The following ESPNL variants were observed in gnomAD, a reference collection of about 807,000 sequenced individuals.
ESPNL encodes espin like.
In ESPNL, 49 loss-of-function variants were observed where a neutral mutation model predicts 46.8. The ratio of observed to expected loss-of-function variants is 1.05; its 90% CI spans 0.83 to 1.33. ESPNL has a LOEUF of 1.33. Among genes scored for constraint, ESPNL ranks in the 40% most tolerant of loss-of-function variants. The pLI, the probability that ESPNL is intolerant of heterozygous loss-of-function variation, is 0.00. For synonymous variants in ESPNL, 664 were observed against 662.1 expected, an observed-to-expected ratio of 1.00 and a Z score of -0.04; for missense variants, 1,540 against 1,436.6, an observed-to-expected ratio of 1.07 and a Z score of -1.16.
At chr2:238,122,753 C>T (rs537501589) in intron 5 of ESPNL, among the ~76,000 whole-genome samples, 1 of 152,326 alleles carries the variant, frequency 6.6e-6, no homozygotes, top group East Asian at 1.9e-4. Flanking sequence ...AGGCACCATC[C>T]CACTCCCGGC....
At position 238,114,363 on chromosome 2, in the gene ESPNL, C is replaced by G. The variant is rs997715211; in HGVS notation, c.856-2540C>G. 3.9e-5 allele frequency among the ~76,000 whole-genome samples: 6 copies of G among 152,180 alleles called. No individual in the cohort carries two copies. The highest frequency in any genetic ancestry group is 2.6e-4 in the Admixed American group (4 of 15,282). On this transcript the variant is annotated intron_variant, in intron 4 of 8. Coordinates refer to ENST00000343063, the MANE Select transcript of ESPNL (RefSeq NM_194312.4). The surrounding 1 kb of genome is among the most constrained non-coding windows in gnomAD (Gnocchi z 5.0). ...CTCCTGCAGACCCCGTAACTCCCCT[C>G]CTCCGCATCCTGGCCTCCTCTTCCC...
In ESPNL at chr2:238,131,638, G is replaced by A. The variant is rs967637270; in HGVS notation, c.2924G>A (p.Gly975Asp). 1.5e-5 allele frequency: 24 copies of A among 1,610,796 alleles called. No individual in the cohort carries two copies. The highest frequency in any genetic ancestry group is 2.7e-5 in the African/African-American group (2 of 74,894). ...CGGCTGGGGTCCCGCTCCCAGCAGG[G>A]CAGCTTCAACGGTGAGGACATCTGC... ...AQRLGSRSQQ[G>D]SFNGEDICGY... is the part of the protein sequence containing the mutation. The change falls in exon 9 of 9, where the codon GGC (glycine) becomes GAC (aspartate). Residue 975 changes from glycine to aspartate, a missense_variant. Physicochemically the swap from Gly to Asp is moderately conservative, Grantham distance 94. Coordinates refer to ENST00000343063, the MANE Select transcript of ESPNL (RefSeq NM_194312.4).
At chr2:238,112,243 TA>T (rs1691730652) in intron 4 of ESPNL, among the ~76,000 whole-genome samples, 1 of 151,320 alleles carries the variant, frequency 6.6e-6, no homozygotes, top group African/African-American at 2.5e-5. Context: ...TATATTTTTC[TA>T]GGATTTATTT....
chr2:238,124,330 A>C (rs926725923), intron 5 of ESPNL, among the ~76,000 whole-genome samples: 30 of 152,186 alleles, frequency 2.0e-4, no homozygotes, highest in African/African-American at 7.2e-4. Context: ...GGACGGTGGC[A>C]TGCGGCCCTG....
intron 4 of ESPNL, among the ~76,000 whole-genome samples, chr2:238,112,910 T>C (rs1691742377): frequency 2.0e-5 from 3 of 152,222 alleles, no homozygotes. Context: ...TATGGTCAAT[T>C]TTTATCAACG....
In ESPNL at chr2:238,106,487, C is replaced by T. The variant is rs532144110; in HGVS notation, c.673-1304C>T. Among the ~76,000 whole-genome samples, 35 of 152,334 alleles carry T rather than the reference C, an allele frequency of 2.3e-4. 1 individual carries two copies. The highest frequency in any genetic ancestry group is 2.0e-3 in the Admixed American group (31 of 15,300). ...GACTGCAGCCCCTCCCGGTGCCTCG[C>T]CTGCAAGTGCGCCCCTCCCCACCCC... On this transcript the variant is annotated intron_variant, in intron 3 of 8. Coordinates refer to ENST00000343063, the MANE Select transcript of ESPNL (RefSeq NM_194312.4).
In ESPNL at chr2:238,119,382, T is replaced by TTGGATGGAGGAGG. The variant is rs779527290; in HGVS notation, c.987+2354_987+2355insGAGGAGGTGGATG. Among the ~76,000 whole-genome samples, 530 of 60,908 alleles carry TTGGATGGAGGAGG rather than the reference T, an allele frequency of 8.7e-3. 37 individuals carry two copies. Among genetic ancestry groups the TTGGATGGAGGAGG allele is most frequent in the East Asian group, 0.036 (67 of 1,884 alleles). The allele number at this position is 60,908 out of a possible 152,430, so 40.0% of individuals were successfully genotyped here. ...TGGATGAAGGACGTGGATGAAGGAG[T>TTGGATGGAGGAGG]TGGATGCAGGAGGTGGATGGAGGAG... On this transcript the variant is annotated intron_variant, in intron 5 of 8. Transcript: ENST00000343063.
At chr2:238,108,062 A>G in intron 4 of ESPNL, 89 bp downstream of exon 4, 1 of 1,234,288 alleles carries the variant, frequency 8.1e-7, no homozygotes, top group Non-Finnish European at 1.1e-6. Context: ...GCAACCCTGT[A>G]AGAGTGATGA....
chr2:238,125,832 C>T (rs1692094335), intron 6 of ESPNL, among the ~76,000 whole-genome samples: 1 of 148,818 alleles, frequency 6.7e-6, no homozygotes, highest in South Asian at 2.1e-4. Context: ...CAACAGGTGC[C>T]ACAGGTAGTG....
At chr2:238,109,777 C>T (rs1415932121) in intron 4 of ESPNL, among the ~76,000 whole-genome samples, 1 of 152,238 alleles carries the variant, frequency 6.6e-6, no homozygotes, top group Non-Finnish European at 1.5e-5. Context: ...TAGCTTTTAC[C>T]GAATGTCCCT....
At chr2:238,126,995 G>A (rs1157158104) in intron 6 of ESPNL, among the ~76,000 whole-genome samples, 1 of 151,536 alleles carries the variant, frequency 6.6e-6, no homozygotes, top group Non-Finnish European at 1.5e-5. Flanking sequence ...CTATCTGTGT[G>A]TGATTGTGTA....
intron 6 of ESPNL, among the ~76,000 whole-genome samples, chr2:238,126,166 GTGAT>G (rs1692106591): frequency 2.0e-5 from 3 of 151,850 alleles, no homozygotes; most frequent in African/African-American, 4.8e-5. Context: ...GCATCTGTGT[GTGAT>G]TGTGTTCGAG....
At chr2:238,123,133 CTG>C (rs1234529672) in intron 5 of ESPNL, among the ~76,000 whole-genome samples, 1 of 152,182 alleles carries the variant, frequency 6.6e-6, no homozygotes, top group Admixed American at 6.5e-5. Flanking sequence ...ACCGTTGAGT[CTG>C]GGGAACACGC....
Position 238,130,227 on chromosome 2 carries a change from G to T in ESPNL, c.1513G>T (p.Asp505Tyr), listed in dbSNP as rs1435542297. 6.2e-7 allele frequency: 1 copy of T among 1,611,586 alleles called. No homozygotes were observed. The highest frequency in any genetic ancestry group is 8.5e-7 in the Non-Finnish European group (1 of 1,179,406). The change falls in exon 9 of 9, where the codon GAT becomes TAT. Residue 505 changes from aspartate to tyrosine, a missense_variant. Physicochemically the swap from Asp to Tyr is radical, Grantham distance 160 (BLOSUM62 -3). Coordinates refer to ENST00000343063, the MANE Select transcript of ESPNL (RefSeq NM_194312.4). ...GCCCTTTGGGGAGCTGCTGACAGAG[G>T]ATGACCTGGTCTACCTGGAGAAGCA... is the stretch of plus-strand genomic sequence containing the variant. ...LGPFGELLTEDDLVYLEKQIA... is the reference protein window; with the variant it reads ...LGPFGELLTEYDLVYLEKQIA...
chr2:238,101,667 T>G (rs1242428485), intron 1 of ESPNL, among the ~76,000 whole-genome samples: 1 of 152,166 alleles, frequency 6.6e-6, no homozygotes, highest in African/African-American at 2.4e-5. Context: ...GGAAAGGGCC[T>G]TCTCCACACT....
rs1157533454 is a variant in ESPNL, at chr2:238,131,963, G to T, written c.*231G>T. 1.8e-5 allele frequency: 9 copies of T among 510,848 alleles called. No individual in the cohort carries two copies. Among genetic ancestry groups the T allele is most frequent in the Non-Finnish European group, 2.7e-5 (8 of 293,486 alleles). The allele number at this position is 510,848 out of a possible 1,614,324, so 31.6% of individuals were successfully genotyped here. On this transcript the variant is annotated 3_prime_UTR_variant, in exon 9 of 9. Transcript: ENST00000343063. ...AGGAAGCCCCTTGGCAGGTCCTGAA[G>T]TGAGGCAATGGGCCACCCCAGTCCA...
intron 5 of ESPNL, among the ~76,000 whole-genome samples, chr2:238,118,802 G>A (rs1428389457): frequency 7.4e-4 from 71 of 95,608 alleles, no homozygotes; most frequent in African/African-American, 1.2e-3. Flanking sequence ...GGTGGATGGA[G>A]GAGGAATGGA....
Position 238,102,054 on chromosome 2 carries a change from G to A in ESPNL, c.408G>A (p.Glu136=). ...ACTCGGCCACGCTAGAGACCCGGGA[G>A]GGAGCCCGGCCGCTGCACCACGCTG... is the stretch of plus-strand genomic sequence containing the variant. ...EGHSATLETR[E]GARPLHHAAV... is the part of the protein sequence containing the mutation. The change falls in exon 2 of 9, where the codon GAG becomes GAA. Residue 136 remains glutamate, a synonymous_variant. Coordinates refer to ENST00000343063, the MANE Select transcript of ESPNL (RefSeq NM_194312.4). 1.9e-6 allele frequency: 3 copies of A among 1,597,840 alleles called. No individual in the cohort carries two copies. Among genetic ancestry groups the A allele is most frequent in the South Asian group, 1.1e-5 (1 of 89,236 alleles).
rs899043573 is a variant in ESPNL, at chr2:238,127,655, C to A, written c.1136C>A (p.Pro379His). The part of the protein sequence containing the change: ...MSLSPAWPGH[P>H]DQPLPREQMT... ...CTCAGCCCGGCCTGGCCTGGCCATC[C>A]TGACCAGCCTCTTCCCAGGGAGCAG... Residue 379 changes from proline (P) to histidine (H), a missense_variant, in exon 7 of 9, where the codon CCT becomes CAT. Coordinates refer to ENST00000343063, the MANE Select transcript of ESPNL (RefSeq NM_194312.4). 1 of 1,612,042 alleles carries A rather than the reference C, an allele frequency of 6.2e-7. No homozygotes were observed. Among genetic ancestry groups the A allele is most frequent in the Non-Finnish European group, 8.5e-7 (1 of 1,179,328 alleles).
Sources: allele counts gnomAD v4.1 joint callset (sites outside exome capture counted in the v4.1 genomes callset), GRCh38; gene constraint gnomAD v4.1.1; non-coding constraint Gnocchi (gnomAD v3.1); transcripts MANE v1.5; gene names NCBI Gene and HGNC (gene_info 2026-07-23, HGNC 2026-07-21).